Variants in OBP2B observed in about 807,000 individuals in gnomAD.
OBP2B encodes the protein odorant-binding protein 2b.
In OBP2B, 10 loss-of-function variants were observed where a neutral mutation model predicts 21.7. The observed-to-expected ratio is 0.46, with a 90% CI of 0.28 to 0.78. The LOEUF (loss-of-function observed/expected upper bound fraction) is 0.78, where lower values mean the gene tolerates loss of function less well. Ranked by LOEUF, OBP2B falls within the 30% of genes least tolerant of loss-of-function variation. OBP2B has a pLI of 0.11. For synonymous variants in OBP2B, 73 were observed against 91.5 expected, an observed-to-expected ratio of 0.80 and a Z score of 1.16; for missense variants, 153 against 217.7, an observed-to-expected ratio of 0.70 and a Z score of 1.87.
chr9:133,220,106 G>A, the OBP2B span, among the ~76,000 whole-genome samples: 16 of 152,288 alleles, frequency 1.1e-4, no homozygotes, highest in East Asian at 3.9e-4. Context: ...GTTCTGGGGC[G>A]TGGAGGGAAG....
the OBP2B span, among the ~76,000 whole-genome samples, chr9:133,219,094 G>A: frequency 0.012 from 1,847 of 152,354 alleles, 33 homozygotes; most frequent in East Asian, 0.075. Flanking sequence ...AAAAGACTGA[G>A]GTGGGACCTC....
At position 133,206,653 on chromosome 9, in the gene OBP2B, G is replaced by C. The variant is rs1214545374; in HGVS notation, c.389-237C>G. On this transcript the variant is annotated intron_variant, in intron 4 of 6. Transcript: ENST00000372034. ...CTGGGGTGGGGCCGGGGACAGAAGA[G>C]ATGGCCATAGCCCAGCACCGGACAA... Among the ~76,000 whole-genome samples the C allele has an allele frequency of 4.1e-3, 615 of 151,734 alleles. 3 individuals carry two copies. The highest frequency in any genetic ancestry group is 0.014 in the African/African-American group (593 of 41,324).
chr9:133,205,437 C>T, intron 6 of OBP2B, 26 bp from the exon 7 acceptor site: 1 of 1,129,054 alleles, frequency 8.9e-7, no homozygotes, highest in Non-Finnish European at 1.3e-6. Flanking sequence ...GAGCAGAGGT[C>T]AGGGAGGCTG....
chr9:133,218,990 A>G, the OBP2B span, among the ~76,000 whole-genome samples: 1 of 152,210 alleles, frequency 6.6e-6, no homozygotes, highest in Non-Finnish European at 1.5e-5. Context: ...AAGAAAATCA[A>G]CACCCCACAA....
the OBP2B span, among the ~76,000 whole-genome samples, chr9:133,215,471 T>C: frequency 6.6e-6 from 1 of 152,222 alleles, no homozygotes; most frequent in Admixed American, 6.5e-5. Context: ...AACTTTTTTT[T>C]TTAAGAATAA....
At chr9:133,216,728 C>G in the OBP2B span, among the ~76,000 whole-genome samples, 1 of 151,822 alleles carries the variant, frequency 6.6e-6, no homozygotes, top group Non-Finnish European at 1.5e-5. Context: ...GGATGAATCT[C>G]CAGAGAATGA....
At chr9:133,215,118 G>T in the OBP2B span, among the ~76,000 whole-genome samples, 1 of 152,110 alleles carries the variant, frequency 6.6e-6, no homozygotes, top group Non-Finnish European at 1.5e-5. Flanking sequence ...AAGATCAATT[G>T]TGTGTCTACA....
chr9:133,219,966 A>G, the OBP2B span, among the ~76,000 whole-genome samples: 1 of 152,236 alleles, frequency 6.6e-6, no homozygotes, highest in African/African-American at 2.4e-5. Flanking sequence ...GACCCATGCT[A>G]CCACATGAGC....
chr9:133,216,042 T>C, the OBP2B span, among the ~76,000 whole-genome samples: 8 of 152,212 alleles, frequency 5.3e-5, no homozygotes, highest in African/African-American at 1.9e-4. Flanking sequence ...AGATTTTAGA[T>C]GTGTCACCAA....
chr9:133,218,544 G>C, the OBP2B span, among the ~76,000 whole-genome samples: 1 of 152,210 alleles, frequency 6.6e-6, no homozygotes, highest in Non-Finnish European at 1.5e-5. Context: ...TGGGCATCCA[G>C]GAGAACAGGG....
chr9:133,207,927 A>G (rs1373626703), intron 3 of OBP2B: 1 of 1,533,910 alleles, frequency 6.5e-7, no homozygotes. Context: ...GATCTGGTCC[A>G]TCTCGACTGC....
At chr9:133,209,881 C>G (rs1422073700), upstream of OBP2B, among the ~76,000 whole-genome samples, 12 of 152,222 alleles carry the variant, frequency 7.9e-5, no homozygotes, top group African/African-American at 2.9e-4. This position sits in a 1 kb window ranked among gnomAD's most constrained non-coding sequence, Gnocchi z 6.0. Context: ...CCTCCCCGAC[C>G]CCGCTTCACT....
At position 133,208,585 on chromosome 9, in the gene OBP2B, G is replaced by A. The variant is rs374946571; in HGVS notation, c.90C>T (p.Tyr30=). ...LEEEDITGTW[Y]VKAMVVDKDF... is the part of the protein sequence containing the mutation. ...CCTTATCGACCACCATGGCCTTCAC[G>A]TACCAGGTCCCTGTGATCTGGAGCA... The change falls in exon 2 of 7, where the codon TAC becomes TAT. Residue 30 remains tyrosine, a synonymous_variant. Transcript: ENST00000372034. 8 of 1,610,494 alleles carry A rather than the reference G, an allele frequency of 5.0e-6. No homozygotes were observed. The highest frequency in any genetic ancestry group is 1.7e-5 in the Admixed American group (1 of 59,618).
At chr9:133,220,734 C>T in the OBP2B span, among the ~76,000 whole-genome samples, 1 of 152,226 alleles carries the variant, frequency 6.6e-6, no homozygotes, top group Non-Finnish European at 1.5e-5. Flanking sequence ...GTAAAACGGA[C>T]TTCACAGATA....
At chr9:133,213,049 A>C (rs1359571834), upstream of OBP2B, among the ~76,000 whole-genome samples, 1 of 151,994 alleles carries the variant, frequency 6.6e-6, no homozygotes, top group Non-Finnish European at 1.5e-5. Context: ...GCATGACAAA[A>C]CCTCATCTCT....
intron 5 of OBP2B, 116 bp downstream of exon 5, chr9:133,206,199 A>G: frequency 7.9e-7 from 1 of 1,268,444 alleles, no homozygotes; most frequent in Non-Finnish European, 1.1e-6. Context: ...CTGCGAGGAG[A>G]CTCGGGGCAC....
chr9:133,210,899 T>C (rs1175104963), upstream of OBP2B, among the ~76,000 whole-genome samples: 3 of 151,932 alleles, frequency 2.0e-5, no homozygotes, highest in African/African-American at 7.3e-5. Context: ...ACATGAGGGG[T>C]GAGATCTCTG....
At chr9:133,213,739 T>C (rs1165169106), upstream of OBP2B, among the ~76,000 whole-genome samples, 1 of 152,242 alleles carries the variant, frequency 6.6e-6, no homozygotes, top group Non-Finnish European at 1.5e-5. Flanking sequence ...CAATATAAGA[T>C]AGATAACTTT....
At chr9:133,213,313 T>C (rs1387936595), upstream of OBP2B, among the ~76,000 whole-genome samples, 1 of 152,104 alleles carries the variant, frequency 6.6e-6, no homozygotes, top group East Asian at 1.9e-4. Context: ...ATTAAATGCA[T>C]ATATTAGAAA....
Sources: gnomAD v4.1 joint callset for allele counts (sites outside exome capture counted in the v4.1 genomes callset) on GRCh38, gnomAD v4.1.1 for gene constraint, Gnocchi (gnomAD v3.1) non-coding constraint, MANE v1.5 for transcripts, NCBI Gene and HGNC (gene_info 2026-07-23, HGNC 2026-07-21) for gene names.